ZNF880: variants seen among roughly 807,000 people sequenced by gnomAD.
The protein encoded by ZNF880 is zinc finger protein 880, also known as zinc finger protein LOC400713.
ZNF880 carries 12 observed loss-of-function variants against 11.8 expected under a neutral mutation model. That is an observed-to-expected ratio of 1.02 (90% confidence interval 0.65 to 1.65). The LOEUF is 1.65. Among genes scored for constraint, ZNF880 ranks in the 40% most tolerant of loss-of-function variants. The pLI, the probability that ZNF880 is intolerant of heterozygous loss-of-function variation, is 0.00. For synonymous variants in ZNF880, 210 were observed against 232.4 expected (o/e 0.90, Z 0.88); for missense variants, 601 against 673.9 (o/e 0.89, Z 1.20).
rs1986310054 is a variant in ZNF880 at position 52,369,945 on chromosome 19, A to G, written c.-21A>G. 1 of 1,551,598 alleles carries G rather than the reference A, an allele frequency of 6.4e-7. No homozygotes were observed. Among genetic ancestry groups the G allele is most frequent in the African/African-American group, 1.4e-5 (1 of 73,118 alleles). ...CGCAGTTTCCTGGAGACCCGGAAGCAGATTACGTGGAGTGACGGTCATGCT... is the reference window on the plus strand; with the variant it reads ...CGCAGTTTCCTGGAGACCCGGAAGCGGATTACGTGGAGTGACGGTCATGCT... On this transcript the variant is annotated 5_prime_UTR_variant, in exon 1 of 4. Transcript: ENST00000422689.
At chr19:52,393,989 A>G in the ZNF880 span, among the ~76,000 whole-genome samples, 8 of 150,998 alleles carry the variant, frequency 5.3e-5, no homozygotes, top group Non-Finnish European at 1.0e-4. Flanking sequence ...GGCACCCGCC[A>G]CCACACCTGG....
At chr19:52,367,462 T>G (rs1986164289), upstream of ZNF880, 1 of 152,220 alleles carries the variant, frequency 6.6e-6, no homozygotes, top group South Asian at 2.1e-4. Flanking sequence ...AATTACATCC[T>G]TTCTACCAGC....
At chr19:52,371,601 C>T (rs1176892674) in intron 1 of ZNF880, among the ~76,000 whole-genome samples, 1 of 152,112 alleles carries the variant, frequency 6.6e-6, no homozygotes, top group Admixed American at 6.6e-5. Context: ...GTCTTCAACT[C>T]CTGACCTCAA....
chr19:52,379,153 CTTCT>C (rs1229856409), intron 3 of ZNF880, among the ~76,000 whole-genome samples: 5 of 151,852 alleles, frequency 3.3e-5, no homozygotes, highest in Non-Finnish European at 7.4e-5. Flanking sequence ...TACTCTTTGT[CTTCT>C]TTGTTTTATA....
At chr19:52,373,876 G>T (rs769076875) in intron 2 of ZNF880, among the ~76,000 whole-genome samples, 3 of 149,960 alleles carry the variant, frequency 2.0e-5, no homozygotes, top group Non-Finnish European at 4.4e-5. Context: ...TCACCATATT[G>T]GTCAGGCTAG....
the ZNF880 span, among the ~76,000 whole-genome samples, chr19:52,396,062 C>G: frequency 6.6e-6 from 1 of 151,608 alleles, no homozygotes; most frequent in South Asian, 2.1e-4. Flanking sequence ...TCAAGCAATT[C>G]TTGTGTCTCA....
intron 1 of ZNF880, among the ~76,000 whole-genome samples, chr19:52,372,872 T>G (rs1470038306): frequency 7.5e-6 from 1 of 132,984 alleles, no homozygotes; most frequent in African/African-American, 3.0e-5. Context: ...ATCGCGCCAC[T>G]GCACTCCAGC....
chr19:52,381,655 T>TC (rs397780927), intron 3 of ZNF880, among the ~76,000 whole-genome samples: 4 of 152,092 alleles, frequency 2.6e-5, no homozygotes, highest in African/African-American at 4.8e-5. Flanking sequence ...TAGATTTTTT[T>TC]CCCCTACATG....
At chr19:52,392,275 C>CT in the ZNF880 span, among the ~76,000 whole-genome samples, 1 of 139,872 alleles carries the variant, frequency 7.1e-6, no homozygotes, top group Non-Finnish European at 1.5e-5. Context: ...TTCTCTTTCT[C>CT]TCTTTCCTTC....
intron 3 of ZNF880, among the ~76,000 whole-genome samples, chr19:52,376,644 G>C (rs1331232546): frequency 1.3e-5 from 2 of 151,224 alleles, no homozygotes; most frequent in Admixed American, 6.6e-5. Flanking sequence ...TGAGTAGCTG[G>C]GATTACAGGT....
In ZNF880 at chr19:52,384,028, T is replaced by C; in HGVS notation, c.448T>C (p.Tyr150His). 6.4e-7 allele frequency: 1 copy of C among 1,555,412 alleles called. No individual in the cohort carries two copies. The highest frequency in any genetic ancestry group is 1.4e-5 in the African/African-American group (1 of 73,200). ...CTTAGTTTCACCACTTCAAAAAATT[T>C]ATTCTAGTGTCAAATCCCACATTTT... Reference protein sequence around the residue: ...NSLVSPLQKIYSSVKSHILNK... With the variant: ...NSLVSPLQKIHSSVKSHILNK... Residue 150 changes from tyrosine (Y) to histidine (H), a missense_variant, in exon 4 of 4, where the codon TAT becomes CAT. By Grantham distance (83) the Tyr-to-His change is moderately conservative (BLOSUM62 2). This residue lies in a region of ZNF880 where 420 missense variants were observed against 442.6 expected (regional missense o/e 0.95). Transcript: ENST00000422689.
downstream of ZNF880, among the ~76,000 whole-genome samples, chr19:52,388,281 A>ATTTT (rs1298446341): frequency 5.1e-5 from 2 of 38,892 alleles, no homozygotes; most frequent in South Asian, 5.5e-4. Flanking sequence ...GGCAATTTGA[A>ATTTT]CTTTTTTTTT....
intron 3 of ZNF880, among the ~76,000 whole-genome samples, chr19:52,382,366 A>G (rs1318161172): frequency 1.3e-5 from 2 of 152,226 alleles, no homozygotes; most frequent in African/African-American, 2.4e-5. Context: ...CTGACCTTTA[A>G]TGGTGAACTT....
rs1555804431 is a variant in ZNF880, at chr19:52,385,566, C to CGCCTGGCCCATAAATTTTAAGAATGG, written c.*252_*253insGCCTGGCCCATAAATTTTAAGAATGG. 1.6e-5 allele frequency: 7 copies of CGCCTGGCCCATAAATTTTAAGAATGG among 439,866 alleles called. No individual in the cohort carries two copies. The highest frequency in any genetic ancestry group is 2.4e-5 in the Non-Finnish European group (6 of 247,654). 27.2% of individuals were successfully genotyped at this position (439,866 alleles called of 1,614,324 possible). A position where few individuals can be genotyped will look rare whatever the true frequency, so the allele number is the denominator to read the frequency against. ...AAACCATACAGATGGATTATGTATGCTGAGGCTATTATTCAAGGACCATTA... is the reference window on the plus strand; with the variant it reads ...AAACCATACAGATGGATTATGTATGCGCCTGGCCCATAAATTTTAAGAATGGTGAGGCTATTATTCAAGGACCATTA... On this transcript the variant is annotated 3_prime_UTR_variant, in exon 4 of 4. Coordinates refer to ENST00000422689, the MANE Select transcript of ZNF880 (RefSeq NM_001145434.2).
upstream of ZNF880, chr19:52,367,669 G>A (rs1986177026): frequency 6.6e-6 from 1 of 150,834 alleles, no homozygotes; most frequent in Admixed American, 6.7e-5. Flanking sequence ...TAGTTTCTCT[G>A]TACTCTGGTG....
At chr19:52,371,778 GAA>G (rs1986380334) in intron 1 of ZNF880, among the ~76,000 whole-genome samples, 1 of 152,166 alleles carries the variant, frequency 6.6e-6, no homozygotes, top group Non-Finnish European at 1.5e-5. Flanking sequence ...GAATGTCTGA[GAA>G]AGAGTTGTCT....
chr19:52,395,032 G>C, the ZNF880 span, among the ~76,000 whole-genome samples: 1 of 152,052 alleles, frequency 6.6e-6, no homozygotes, highest in African/African-American at 2.4e-5. Flanking sequence ...ACTCCCTTTT[G>C]ATATATCCAG....
chr19:52,381,732 T>G (rs1366671655), intron 3 of ZNF880, among the ~76,000 whole-genome samples: 1 of 152,190 alleles, frequency 6.6e-6, no homozygotes, highest in African/African-American at 2.4e-5. Context: ...ATCCCATCTC[T>G]TGTGTGTGTC....
chr19:52,378,441 G>A (rs1472460233), intron 3 of ZNF880, among the ~76,000 whole-genome samples: 3 of 151,536 alleles, frequency 2.0e-5, no homozygotes, highest in African/African-American at 4.9e-5. Context: ...TCAGGGGATC[G>A]AAACCATCCT....
Sources: gnomAD v4.1 joint callset for allele counts (sites outside exome capture counted in the v4.1 genomes callset) on GRCh38, gnomAD v4.1.1 for gene constraint, gnomAD v4.1.1 regional missense constraint, MANE v1.5 for transcripts, NCBI Gene and HGNC (gene_info 2026-07-23, HGNC 2026-07-21) for gene names.